ARL17A: variants seen among roughly 807,000 people sequenced by gnomAD.
ARL17A encodes ADP-ribosylation factor-like 17-like.
At chr17:46,502,969 T>C in the ARL17A span, among the ~76,000 whole-genome samples, 1 of 150,586 alleles carries the variant, frequency 6.6e-6, no homozygotes, top group African/African-American at 2.5e-5. Flanking sequence ...TCCCAGCACT[T>C]TGGGAGGCTG....
chr17:46,517,680 CTTT>C (rs1180779573), intron 3 of ARL17A, among the ~76,000 whole-genome samples: 1 of 706 alleles, frequency 1.4e-3, no homozygotes, highest in African/African-American at 0.015. Context: ...TTTTTGTTCT[CTTT>C]TTTTTTTTTT....
downstream of ARL17A, among the ~76,000 whole-genome samples, chr17:46,528,100 CT>C (rs2053040132): frequency 8.9e-6 from 1 of 111,774 alleles, no homozygotes; most frequent in Non-Finnish European, 1.9e-5. Context: ...TCCCACGCTT[CT>C]GGAGCTCCTG....
At chr17:46,542,526 G>GAGATAT (rs2055547650) in intron 3 of ARL17A, among the ~76,000 whole-genome samples, 3 of 145,874 alleles carry the variant, frequency 2.1e-5, no homozygotes, top group Non-Finnish European at 4.5e-5. Context: ...TATATATATA[G>GAGATAT]ATATAGATAT....
chr17:46,530,334 T>C (rs1163866637), intron 4 of ARL17A, among the ~76,000 whole-genome samples: 2 of 137,334 alleles, frequency 1.5e-5, no homozygotes, highest in African/African-American at 5.4e-5. Flanking sequence ...AAGCCCTAGT[T>C]TGAGAATCCA....
intron 4 of ARL17A, among the ~76,000 whole-genome samples, chr17:46,534,994 C>G (rs1435111386): frequency 1.3e-5 from 2 of 150,278 alleles, no homozygotes; most frequent in Non-Finnish European, 2.9e-5. Context: ...AGATGCTCCT[C>G]ACCTCCCAGA....
intron 4 of ARL17A, among the ~76,000 whole-genome samples, chr17:46,532,729 TTTA>T (rs2053879272): frequency 6.8e-6 from 1 of 146,312 alleles, no homozygotes. Flanking sequence ...TATAATCCTT[TTTA>T]TTCATATTAT....
the ARL17A span, among the ~76,000 whole-genome samples, chr17:46,502,495 T>G: frequency 4.0e-4 from 60 of 150,678 alleles, no homozygotes; most frequent in Admixed American, 2.8e-3. Context: ...AGAGACAGGG[T>G]TTCACCATAT....
At chr17:46,551,302 C>G (rs558839681), downstream of ARL17A, among the ~76,000 whole-genome samples, 1 of 150,206 alleles carries the variant, frequency 6.7e-6, no homozygotes, top group South Asian at 2.1e-4. Flanking sequence ...TGATGTATTA[C>G]TTTTCCCAAC....
intron 3 of ARL17A, among the ~76,000 whole-genome samples, chr17:46,546,004 A>G (rs1231663207): frequency 2.2e-4 from 33 of 148,248 alleles, no homozygotes; most frequent in African/African-American, 8.3e-4. Flanking sequence ...TTCTGAAACT[A>G]CTAATCACTG....
At chr17:46,569,277 A>T (rs1244155870) in intron 3 of ARL17A, among the ~76,000 whole-genome samples, 14 of 150,906 alleles carry the variant, frequency 9.3e-5, no homozygotes, top group Admixed American at 6.6e-4. Flanking sequence ...TGGAGAAATT[A>T]GAATAAGGAC....
At position 46,555,797 on chromosome 17, in the gene ARL17A, T is replaced by G; in HGVS notation, c.*1559A>C. The G allele has an allele frequency of 1.0e-5, 2 of 194,042 alleles. No individual in the cohort carries two copies. The highest frequency in any genetic ancestry group is 1.4e-4 in the Admixed American group (1 of 7,232). 12.0% of individuals were successfully genotyped at this position (194,042 alleles called of 1,614,324 possible). On this transcript the variant is annotated 3_prime_UTR_variant, in exon 4 of 4. Coordinates refer to ENST00000336125, the MANE Select transcript of ARL17A (RefSeq NM_001113738.2). ...GGAAGGTCAGGCCGCCTGGGGAGAG[T>G]CCATGAAAAAGATGGAACGTGCCAG...
intron 4 of ARL17A, among the ~76,000 whole-genome samples, chr17:46,532,778 C>T (rs1330139532): frequency 1.4e-5 from 2 of 147,938 alleles, no homozygotes; most frequent in Non-Finnish European, 3.0e-5. Flanking sequence ...ATAGTAATGT[C>T]CCCTCTCATT....
downstream of ARL17A, among the ~76,000 whole-genome samples, chr17:46,551,207 T>C (rs879866832): frequency 3.4e-4 from 51 of 149,190 alleles, no homozygotes; most frequent in South Asian, 2.1e-3. Context: ...TCAACTTACC[T>C]AAAGCCTACA....
intron 4 of ARL17A, among the ~76,000 whole-genome samples, chr17:46,534,968 C>T (rs1218965888): frequency 4.7e-5 from 7 of 148,972 alleles, no homozygotes; most frequent in African/African-American, 7.7e-5. Context: ...ACTTCTCAGA[C>T]GGGGCGGCCA....
intron 3 of ARL17A, among the ~76,000 whole-genome samples, chr17:46,520,789 G>T (rs1237972198): frequency 2.2e-5 from 1 of 45,498 alleles, no homozygotes; most frequent in East Asian, 3.2e-4. Flanking sequence ...GGTTTAGTAG[G>T]ATGAAAGGAA....
At chr17:46,500,660 C>G in the ARL17A span, among the ~76,000 whole-genome samples, 1 of 151,038 alleles carries the variant, frequency 6.6e-6, no homozygotes, top group Non-Finnish European at 1.5e-5. Context: ...GTGATAATAG[C>G]AAATCCCTTG....
the ARL17A span, among the ~76,000 whole-genome samples, chr17:46,502,493 G>A: frequency 6.6e-6 from 1 of 150,658 alleles, no homozygotes; most frequent in Non-Finnish European, 1.5e-5. Context: ...GTAGAGACAG[G>A]GTTTCACCAT....
At chr17:46,537,133 T>G (rs1466884068) in intron 4 of ARL17A, among the ~76,000 whole-genome samples, 1 of 87,332 alleles carries the variant, frequency 1.1e-5, no homozygotes, top group Non-Finnish European at 2.0e-5. Context: ...TTTGTTGCTT[T>G]TATGAAGGGA....
chr17:46,503,029 G>A, the ARL17A span, among the ~76,000 whole-genome samples: 2 of 150,766 alleles, frequency 1.3e-5, no homozygotes, highest in South Asian at 2.1e-4. Context: ...TGGCTAACAC[G>A]GTGAAACCCC....
Sources: gnomAD v4.1 joint callset for allele counts (sites outside exome capture counted in the v4.1 genomes callset) on GRCh38, gnomAD v4.1.1 for gene constraint, MANE v1.5 for transcripts, NCBI Gene and HGNC (gene_info 2026-07-23, HGNC 2026-07-21) for gene names.